Variants in ST6GALNAC1 observed in about 807,000 individuals in gnomAD.
ST6GALNAC1 encodes alpha-N-acetylgalactosaminide alpha-2,6-sialyltransferase 1.
Under a neutral mutation model 56.8 loss-of-function variants are expected in ST6GALNAC1, and 45 were observed. The observed-to-expected ratio is 0.79, with a 90% CI of 0.62 to 1.02. ST6GALNAC1 has a LOEUF of 1.02. ST6GALNAC1 is among the 50% of genes least tolerant of loss of function. ST6GALNAC1 has a pLI of 0.00. For missense variants in ST6GALNAC1, 743 were observed against 754.8 expected, an observed-to-expected ratio of 0.98 and a Z score of 0.18; for synonymous variants, 295 against 297.8, an observed-to-expected ratio of 0.99 and a Z score of 0.10.
At chr17:76,641,077 A>G (rs1005503982) in intron 1 of ST6GALNAC1, among the ~76,000 whole-genome samples, 18 of 152,206 alleles carry the variant, frequency 1.2e-4, no homozygotes, top group African/African-American at 3.9e-4. Flanking sequence ...CAAGGTCACT[A>G]GGCAGATAAA....
At chr17:76,626,151 C>T in intron 6 of ST6GALNAC1, 56 bp from the exon 7 acceptor site, 2 of 1,589,330 alleles carry the variant, frequency 1.3e-6, no homozygotes, top group Non-Finnish European at 1.7e-6. Context: ...CTGGGGTGGG[C>T]CAAGTCAGGG....
chr17:76,638,063 C>T (rs1319721988), intron 1 of ST6GALNAC1, among the ~76,000 whole-genome samples: 1 of 147,030 alleles, frequency 6.8e-6, no homozygotes, highest in Non-Finnish European at 1.5e-5. Context: ...AAAGTGACAA[C>T]AAGAAAATGA....
chr17:76,639,921 C>T (rs2076026884), intron 1 of ST6GALNAC1, among the ~76,000 whole-genome samples: 1 of 151,914 alleles, frequency 6.6e-6, no homozygotes, highest in Admixed American at 6.6e-5. Context: ...CTTAAGTGAG[C>T]GCCTGTCTTG....
chr17:76,637,138 C>T (rs969598309), intron 1 of ST6GALNAC1, among the ~76,000 whole-genome samples: 11 of 151,898 alleles, frequency 7.2e-5, no homozygotes, highest in African/African-American at 2.4e-4. Context: ...CTGCGGAAGG[C>T]CGCAGGGCCC....
chr17:76,627,129 G>A lies in ST6GALNAC1; in HGVS notation c.1110C>T (p.Asn370=), dbSNP rs759689981. 28 of 1,598,512 alleles carry A rather than the reference G, an allele frequency of 1.8e-5. No individual in the cohort carries two copies. The highest frequency in any genetic ancestry group is 2.3e-5 in the South Asian group (2 of 88,864). Reference sequence around the variant, plus strand: ...TGTGGGAGTTGTTCAGGATGCCCCCGTTGCCCACCACGGCACAGGTGATGC... The same window carrying A: ...TGTGGGAGTTGTTCAGGATGCCCCCATTGCCCACCACGGCACAGGTGATGC... ...LRCITCAVVG[N]GGILNNSHMG... is the part of the protein sequence containing the mutation. Residue 370 remains asparagine, a synonymous_variant, in exon 4 of 9, where the codon AAC becomes AAT. Coordinates refer to ENST00000156626, the MANE Select transcript of ST6GALNAC1 (RefSeq NM_018414.5). The surrounding 1 kb of genome is among the most constrained non-coding windows in gnomAD (Gnocchi z 4.4).
rs2075863721 is a variant in ST6GALNAC1 at position 76,629,612 on chromosome 17, T to C, written c.231A>G (p.Ala77=). The C allele has an allele frequency of 1.2e-6, 2 of 1,613,714 alleles. No homozygotes were observed. Among genetic ancestry groups the C allele is most frequent in the East Asian group, 4.5e-5 (2 of 44,862 alleles). Reference sequence around the variant, plus strand: ...GGGCATTGTTCTCTGGCACTGGCTCTGCATAGATGGTTGTCCTCCTTGCCC... The same window carrying C: ...GGGCATTGTTCTCTGGCACTGGCTCCGCATAGATGGTTGTCCTCCTTGCCC... ...PTRARRTTIY[A]EPVPENNALN... The change falls in exon 2 of 9, where the codon GCA becomes GCG. Residue 77 remains alanine, a synonymous_variant. Coordinates refer to ENST00000156626, the MANE Select transcript of ST6GALNAC1 (RefSeq NM_018414.5).
chr17:76,641,926 G>A (rs983362748), intron 1 of ST6GALNAC1: 6 of 151,556 alleles, frequency 4.0e-5, no homozygotes, highest in African/African-American at 1.5e-4. Context: ...TATGTAGCAT[G>A]AGATACATAT....
At chr17:76,637,395 C>G (rs567397915) in intron 1 of ST6GALNAC1, 254 of 274,694 alleles carry the variant, frequency 9.2e-4, no homozygotes, top group African/African-American at 4.9e-3. Flanking sequence ...ACAAGGGTCC[C>G]TCATGTTGTC....
chr17:76,624,303 T>G (rs1447360372), downstream of ST6GALNAC1, among the ~76,000 whole-genome samples: 1 of 152,264 alleles, frequency 6.6e-6, no homozygotes, highest in African/African-American at 2.4e-5. Flanking sequence ...CAGGCTGGAG[T>G]GCAGTGGTGT....
intron 1 of ST6GALNAC1, among the ~76,000 whole-genome samples, chr17:76,639,638 A>AACACACACACACACAC (rs55706272): frequency 1.8e-4 from 23 of 125,248 alleles, no homozygotes; most frequent in African/African-American, 6.2e-4. Flanking sequence ...TTACATGATA[A>AACACACACACACACAC]ACACACACAC....
At position 76,626,821 on chromosome 17, in the gene ST6GALNAC1, G is replaced by A. The variant is rs745500198; in HGVS notation, c.1173-32C>T. The A allele has an allele frequency of 1.4e-5, 22 of 1,612,342 alleles. No individual in the cohort carries two copies. In the Admixed American group the frequency reaches 3.2e-4, roughly 23 times the overall value. On this transcript the variant is annotated intron_variant, in intron 4 of 8. Coordinates refer to ENST00000156626, the MANE Select transcript of ST6GALNAC1 (RefSeq NM_018414.5). ...AGAAAGACACAATCAGACGGGACAG[G>A]TGAGCAGAGGAGGGAGATTTGTGTA...
At chr17:76,642,505 C>A (rs1003832445) in intron 1 of ST6GALNAC1, among the ~76,000 whole-genome samples, 1 of 152,144 alleles carries the variant, frequency 6.6e-6, no homozygotes, top group Non-Finnish European at 1.5e-5. Flanking sequence ...CCTCAAGTGT[C>A]AAGAGTGGTC....
intron 1 of ST6GALNAC1, 94 bp downstream of exon 1, chr17:76,643,414 G>A: frequency 7.2e-7 from 1 of 1,388,322 alleles, no homozygotes; most frequent in Non-Finnish European, 9.9e-7. Flanking sequence ...TGGACACACA[G>A]GTGGCTCAGA....
Position 76,629,401 on chromosome 17 carries a change from A to G in ST6GALNAC1, c.442T>C (p.Ser148Pro), listed in dbSNP as rs1376707372. 2 of 1,613,964 alleles carry G rather than the reference A, an allele frequency of 1.2e-6. No individual in the cohort carries two copies. Among genetic ancestry groups the G allele is most frequent in the African/African-American group, 2.7e-5 (2 of 74,890 alleles). ...SPRGQDAGMA[S>P]GRTEAQSWKS... ...CATGATTGTGCCTCTGTCCTGCCAG[A>G]GGCCATCCCTGCATCTTGCCCTCTG... is the stretch of plus-strand genomic sequence containing the variant. Residue 148 changes from serine to proline, a missense_variant, in exon 2 of 9, where the codon TCT becomes CCT. Coordinates refer to ENST00000156626, the MANE Select transcript of ST6GALNAC1 (RefSeq NM_018414.5).
At chr17:76,640,527 G>C (rs2076036944) in intron 1 of ST6GALNAC1, among the ~76,000 whole-genome samples, 1 of 152,136 alleles carries the variant, frequency 6.6e-6, no homozygotes, top group African/African-American at 2.4e-5. Flanking sequence ...CTCCTCCCCT[G>C]TCTTCTTATC....
At chr17:76,622,848 C>CA (rs1403538747), downstream of ST6GALNAC1, among the ~76,000 whole-genome samples, 2 of 150,078 alleles carry the variant, frequency 1.3e-5, no homozygotes, top group African/African-American at 2.5e-5. Flanking sequence ...GGCTGGAGTG[C>CA]AATGTCGCGA....
rs1259690101 is a variant in ST6GALNAC1, at chr17:76,643,672, A to G, written c.-34T>C. 1 of 1,610,560 alleles carries G rather than the reference A, an allele frequency of 6.2e-7. No individual in the cohort carries two copies. The highest frequency in any genetic ancestry group is 8.5e-7 in the Non-Finnish European group (1 of 1,178,192). ...GTCGGGTTCTAGAGGAAGGTTCTGC[A>G]TGTCCTGGGGCCTTGATGTAGGCAG... On this transcript the variant is annotated 5_prime_UTR_variant, in exon 1 of 9. The change abolishes an upstream ATG in the 5' untranslated region. Coordinates refer to ENST00000156626, the MANE Select transcript of ST6GALNAC1 (RefSeq NM_018414.5).
chr17:76,626,554 G>C, intron 5 of ST6GALNAC1, 97 bp downstream of exon 5: 1 of 1,568,676 alleles, frequency 6.4e-7, no homozygotes, highest in East Asian at 2.2e-5. Context: ...ACCAACCACA[G>C]ACTCCATCCG....
rs1163384828 is a variant in ST6GALNAC1 at position 76,643,650 on chromosome 17, G to A, written c.-12C>T. ...AGGCAGGACCTCATGGTGGTGGGTC[G>A]GGTTCTAGAGGAAGGTTCTGCATGT... On this transcript the variant is annotated 5_prime_UTR_variant, in exon 1 of 9. Transcript: ENST00000156626. The A allele has an allele frequency of 8.7e-6, 14 of 1,613,060 alleles. No individual in the cohort carries two copies. The highest frequency in any genetic ancestry group is 5.0e-5 in the Admixed American group (3 of 59,942).
Sources: allele counts gnomAD v4.1 joint callset (sites outside exome capture counted in the v4.1 genomes callset), GRCh38; gene constraint gnomAD v4.1.1; non-coding constraint Gnocchi (gnomAD v3.1); transcripts MANE v1.5; gene names NCBI Gene and HGNC (gene_info 2026-07-23, HGNC 2026-07-21).